The following DNMT3A variants were observed in gnomAD, a reference collection of about 807,000 sequenced individuals.
The protein encoded by DNMT3A is DNA methyltransferase 3 alpha.
Under a neutral mutation model 117.6 loss-of-function variants are expected in DNMT3A, and 267 were observed. The observed-to-expected ratio is 2.27, with a 90% CI of 2.05 to 2.51. The LOEUF (loss-of-function observed/expected upper bound fraction) is 2.51. DNMT3A is among the 30% of genes most tolerant of loss of function. The probability of loss-of-function intolerance (pLI) is 0.00; values close to 1 mark genes in which losing one functional copy is unlikely to be tolerated. For synonymous variants in DNMT3A, 432 were observed against 474.8 expected, an observed-to-expected ratio of 0.91 and a Z score of 1.17; for missense variants, 1,029 against 1,260.2, an observed-to-expected ratio of 0.82 and a Z score of 2.78.
intron 1 of DNMT3A, among the ~76,000 whole-genome samples, chr2:25,340,435 C>A (rs2035372237): frequency 6.6e-6 from 1 of 152,108 alleles, no homozygotes; most frequent in South Asian, 2.1e-4. Flanking sequence ...TTGGCAGCCC[C>A]AGGGCCGCGG....
At chr2:25,314,384 G>A (rs1346351711) in intron 1 of DNMT3A, 1 of 985,296 alleles carries the variant, frequency 1.0e-6, no homozygotes, top group Non-Finnish European at 1.2e-6. Flanking sequence ...TCTCCCCTCC[G>A]TGTCGCTGCG....
rs374075718 is a variant in DNMT3A at position 25,233,775 on chromosome 2, A to AC, written c.*503dup. On this transcript the variant is annotated 3_prime_UTR_variant, in exon 23 of 23. Transcript: ENST00000321117. The stretch of plus-strand genomic sequence containing the variant: ...AAAAAGATATATAGTAAAAAAAAAA[A>AC]CCCAAAAAAAAAAAACAAAAAACAA... 1.3e-4 allele frequency: 23 copies of AC among 173,214 alleles called. No individual in the cohort carries two copies. Among genetic ancestry groups the AC allele is most frequent in the Non-Finnish European group, 1.8e-4 (16 of 87,268 alleles). The allele number at this position is 173,214 out of a possible 1,614,324, so 10.7% of individuals were successfully genotyped here. A position where few individuals can be genotyped will look rare whatever the true frequency, so the allele number is the denominator to read the frequency against.
rs190659194 is a variant in DNMT3A, at chr2:25,306,462, T to C, written c.73-6219A>G. Reference sequence around the variant, plus strand: ...CCATCCTCCTGAAAGGCCACTCTCCTGGAGGGGAGGGGCCGTGTCTCATTG... The same window carrying C: ...CCATCCTCCTGAAAGGCCACTCTCCCGGAGGGGAGGGGCCGTGTCTCATTG... On this transcript the variant is annotated intron_variant, in intron 2 of 22. Coordinates refer to ENST00000321117, the MANE Select transcript of DNMT3A (RefSeq NM_022552.5). The surrounding 1 kb of genome is among the most constrained non-coding windows in gnomAD (Gnocchi z 4.1). Among the ~76,000 whole-genome samples the C allele has an allele frequency of 5.9e-5, 9 of 152,322 alleles. No individual in the cohort carries two copies. The highest frequency in any genetic ancestry group is 3.9e-4 in the Admixed American group (6 of 15,304).
chr2:25,274,046 C>T (rs2031181251), intron 6 of DNMT3A, among the ~76,000 whole-genome samples: 1 of 152,178 alleles, frequency 6.6e-6, no homozygotes. Flanking sequence ...ACCTCTGTCG[C>T]CCGTACTTCC....
At chr2:25,321,577 G>A (rs1364477646) in intron 1 of DNMT3A, among the ~76,000 whole-genome samples, 1 of 152,200 alleles carries the variant, frequency 6.6e-6, no homozygotes, top group Non-Finnish European at 1.5e-5. Context: ...CCATCTTAGG[G>A]GGGCCATTAT....
At chr2:25,246,870 A>G in intron 9 of DNMT3A, 94 bp from the exon 10 acceptor site, 5 of 1,558,180 alleles carry the variant, frequency 3.2e-6, no homozygotes, top group Non-Finnish European at 4.4e-6. Context: ...TGAGGGTGGC[A>G]CAGGCAAGAT....
rs1035902755 is a variant in DNMT3A at position 25,311,117 on chromosome 2, G to A, written c.72+2796C>T. On this transcript the variant is annotated intron_variant, in intron 2 of 22. Coordinates refer to ENST00000321117, the MANE Select transcript of DNMT3A (RefSeq NM_022552.5). This position sits in a 1 kb window ranked among gnomAD's most constrained non-coding sequence, Gnocchi z 5.2. Reference sequence around the variant, plus strand: ...GCTGGAGTGAAAGGTGCATGGAGGCGGGGCTGGGGGCGGGGGCGGGGAGGG... The same window carrying A: ...GCTGGAGTGAAAGGTGCATGGAGGCAGGGCTGGGGGCGGGGGCGGGGAGGG... Among the ~76,000 whole-genome samples, 2 of 151,008 alleles carry A rather than the reference G, an allele frequency of 1.3e-5. No homozygotes were observed. The highest frequency in any genetic ancestry group is 3.0e-5 in the Non-Finnish European group (2 of 67,510).
rs533782206 is a variant in DNMT3A, at chr2:25,292,299, G to A, written c.177+7840C>T. Among the ~76,000 whole-genome samples, 6 of 152,212 alleles carry A rather than the reference G, an allele frequency of 3.9e-5. No homozygotes were observed. The South Asian group carries it at 1.0e-3, about 26-fold the overall frequency. On this transcript the variant is annotated intron_variant, in intron 3 of 22. Coordinates refer to ENST00000321117, the MANE Select transcript of DNMT3A (RefSeq NM_022552.5). ...CGGGAGGCAAAGGTTGCAGTGAGCC[G>A]AGATCGCACCACTGCACTCCGGCCT...
chr2:25,275,400 A>C, intron 5 of DNMT3A, 100 bp downstream of exon 5: 1 of 1,459,324 alleles, frequency 6.9e-7, no homozygotes, highest in South Asian at 1.3e-5. Flanking sequence ...TGTGTAAAGA[A>C]GGAGGAGGGG....
intron 6 of DNMT3A, among the ~76,000 whole-genome samples, chr2:25,251,185 T>A (rs1573353962): frequency 2.6e-5 from 2 of 75,756 alleles, no homozygotes; most frequent in Admixed American, 1.3e-4. Context: ...GCAGGGGGCC[T>A]GACGAAAGGG....
At chr2:25,297,853 A>G (rs923985549) in intron 3 of DNMT3A, among the ~76,000 whole-genome samples, 2 of 152,172 alleles carry the variant, frequency 1.3e-5, no homozygotes, top group African/African-American at 4.8e-5. Context: ...CAAGTGCCCC[A>G]GGAGGTGGAC....
chr2:25,261,905 G>A (rs929146534), intron 6 of DNMT3A, among the ~76,000 whole-genome samples: 1 of 152,002 alleles, frequency 6.6e-6, no homozygotes, highest in African/African-American at 2.4e-5. Context: ...TGTCCCCTGG[G>A]GTCGGGCGCA....
chr2:25,290,338 T>TTTTTTTTTTTTA (rs1255056962), intron 3 of DNMT3A, among the ~76,000 whole-genome samples: 1 of 150,620 alleles, frequency 6.6e-6, no homozygotes, highest in Non-Finnish European at 1.5e-5. Flanking sequence ...TTTTTTTTTT[T>TTTTTTTTTTTTA]GAGACGCAGT....
At position 25,247,595 on chromosome 2, in the gene DNMT3A, G is replaced by A. The variant is rs773208295; in HGVS notation, c.1010C>T (p.Ser337Leu). The change falls in exon 8 of 23, where the codon TCA (serine) becomes TTA (leucine). Residue 337 changes from serine (S) to leucine (L), a missense_variant. Physicochemically the swap from Ser to Leu is moderately radical, Grantham distance 145. Coordinates refer to ENST00000321117, the MANE Select transcript of DNMT3A (RefSeq NM_022552.5). This position sits in a 1 kb window ranked among gnomAD's most constrained non-coding sequence, Gnocchi z 5.6. ...CTGCCAAACCCCACAACTTACCACT[G>A]AGAATTTGCCGTCTCCGAACCACAT... The part of the protein sequence containing the change: ...WVMWFGDGKF[S>L]VVCVEKLMPL... The A allele has an allele frequency of 5.0e-6, 8 of 1,613,710 alleles. No individual in the cohort carries two copies. Among genetic ancestry groups the A allele is most frequent in the African/African-American group, 2.7e-5 (2 of 74,872 alleles).
At position 25,252,239 on chromosome 2, in the gene DNMT3A, G is replaced by A; in HGVS notation, c.640-3987C>T. ...CCTCTGCAGTCGCGCTCAGGTGTGA[G>A]CCGCGGCCCTGAAGCTCTGGAAGTA... On this transcript the variant is annotated intron_variant, in intron 6 of 22. Coordinates refer to ENST00000321117, the MANE Select transcript of DNMT3A (RefSeq NM_022552.5). The surrounding 1 kb of genome is among the most constrained non-coding windows in gnomAD (Gnocchi z 5.5). 2.0e-6 allele frequency: 3 copies of A among 1,523,120 alleles called. No homozygotes were observed. Among genetic ancestry groups the A allele is most frequent in the South Asian group, 1.2e-5 (1 of 81,266 alleles). The allele number at this position is 1,523,120 out of a possible 1,614,324, so 94.4% of individuals were successfully genotyped here.
At chr2:25,262,034 AC>A (rs1676659852) in intron 6 of DNMT3A, among the ~76,000 whole-genome samples, 2 of 152,092 alleles carry the variant, frequency 1.3e-5, no homozygotes, top group African/African-American at 2.4e-5. Context: ...TACTAAAAAT[AC>A]AAAAATTAGC....
Position 25,263,214 on chromosome 2 carries a change from T to A in DNMT3A, c.639+11727A>T, listed in dbSNP as rs145467086. On this transcript the variant is annotated intron_variant, in intron 6 of 22. Coordinates refer to ENST00000321117, the MANE Select transcript of DNMT3A (RefSeq NM_022552.5). ...GTCTCCCAAAGTGCTGGGATTACAC[T>A]GCACCCAGCCTCTTTTGCACTTACT... 3.4e-3 allele frequency among the ~76,000 whole-genome samples: 516 copies of A among 152,248 alleles called. 4 individuals are homozygous for A. The highest frequency in any genetic ancestry group is 0.012 in the African/African-American group (484 of 41,552).
chr2:25,334,490 G>C (rs905337311), intron 1 of DNMT3A, among the ~76,000 whole-genome samples: 8 of 152,134 alleles, frequency 5.3e-5, no homozygotes, highest in African/African-American at 1.9e-4. Flanking sequence ...CTCCATACCC[G>C]GGCCGGGCCC....
intron 4 of DNMT3A, among the ~76,000 whole-genome samples, chr2:25,276,551 G>A (rs914902910): frequency 6.6e-6 from 1 of 152,240 alleles, no homozygotes; most frequent in African/African-American, 2.4e-5. Flanking sequence ...CCCAGCATGA[G>A]GGGAGCTGCG....
Sources: allele counts gnomAD v4.1 joint callset (sites outside exome capture counted in the v4.1 genomes callset), GRCh38; gene constraint gnomAD v4.1.1; non-coding constraint Gnocchi (gnomAD v3.1); transcripts MANE v1.5; gene names NCBI Gene and HGNC (gene_info 2026-07-23, HGNC 2026-07-21).